DGKG: variants seen among roughly 807,000 people sequenced by gnomAD.
DGKG encodes diacylglycerol kinase gamma, also known as DAG kinase gamma.
DGKG carries 78 observed loss-of-function variants against 105.3 expected under a neutral mutation model. The ratio of observed to expected loss-of-function variants is 0.74; its 90% CI spans 0.62 to 0.89. The LOEUF (loss-of-function observed/expected upper bound fraction) is 0.89, where lower values mean the gene tolerates loss of function less well. Ranked by LOEUF, DGKG falls within the 40% of genes least tolerant of loss-of-function variation. The pLI, the probability that DGKG is intolerant of heterozygous loss-of-function variation, is 0.00. For missense variants in DGKG, 958 were observed against 1,020.1 expected (o/e 0.94, Z 0.83); for synonymous variants, 346 against 367.1 (o/e 0.94, Z 0.66).
rs1448842170 is a variant in DGKG at position 186,321,936 on chromosome 3, T to C, written c.-248-1229A>G. On this transcript the variant is annotated intron_variant, in intron 1 of 24. Coordinates refer to ENST00000265022, the MANE Select transcript of DGKG (RefSeq NM_001346.3). Reference sequence around the variant, plus strand: ...CTCCTTAATCCAGCCAGCTCGACTCTGCTCCTTGGCACATGCTACTGTCAA... The same window carrying C: ...CTCCTTAATCCAGCCAGCTCGACTCCGCTCCTTGGCACATGCTACTGTCAA... 4.6e-5 allele frequency among the ~76,000 whole-genome samples: 7 copies of C among 152,330 alleles called. No individual in the cohort carries two copies. The East Asian group carries it at 1.2e-3, about 25-fold the overall frequency.
chr3:186,241,269 C>G (rs1409894097), intron 20 of DGKG, among the ~76,000 whole-genome samples: 2 of 152,064 alleles, frequency 1.3e-5, no homozygotes, highest in Non-Finnish European at 2.9e-5. Flanking sequence ...ACACTCTAAC[C>G]TCTCTTTTAA....
intron 1 of DGKG, among the ~76,000 whole-genome samples, chr3:186,334,680 A>G (rs1036392417): frequency 3.3e-5 from 5 of 152,228 alleles, no homozygotes; most frequent in African/African-American, 1.2e-4. Context: ...TTGACTCTTC[A>G]TAACAACTCT....
chr3:186,255,775 T>C (rs1721437193), intron 17 of DGKG, among the ~76,000 whole-genome samples: 1 of 152,136 alleles, frequency 6.6e-6, no homozygotes. Context: ...AAGATCGCTA[T>C]GGGTGTAGGG....
intron 21 of DGKG, among the ~76,000 whole-genome samples, chr3:186,209,600 G>A (rs1243245991): frequency 6.6e-6 from 1 of 152,092 alleles, no homozygotes; most frequent in African/African-American, 2.4e-5. Flanking sequence ...GTCGTGTGCT[G>A]GTTCTCAAAG....
chr3:186,214,793 C>T (rs1171559211), intron 20 of DGKG, among the ~76,000 whole-genome samples: 1 of 152,108 alleles, frequency 6.6e-6, no homozygotes, highest in Admixed American at 6.5e-5. Context: ...GTGCCTGGTA[C>T]AACAAAGAAC....
rs1364195670 is a variant in DGKG at position 186,272,341 on chromosome 3, A to T, written c.913T>A (p.Cys305Ser). 6.2e-7 allele frequency: 1 copy of T among 1,612,050 alleles called. No individual in the cohort carries two copies. The highest frequency in any genetic ancestry group is 8.5e-7 in the Non-Finnish European group (1 of 1,178,454). Residue 305 changes from cysteine to serine, a missense_variant and splice_region_variant, in exon 11 of 25, where the codon TGT becomes AGT. Physicochemically the swap from Cys to Ser is moderately radical, Grantham distance 112 (BLOSUM62 -1). Around this residue, in one of 2 missense-constraint regions of DGKG, gnomAD observed 643 missense variants for 619.5 expected, o/e 1.04. Transcript: ENST00000265022. The part of the protein sequence containing the change: ...VRKQGLCCTY[C>S]KYTVHERCVS... ...CAGCGTTCGTGGACAGTGTATTTAC[A>T]GTCTGAAAAGAAAAAAAGTCAAGGC...
chr3:186,348,360 C>T (rs1272746064), intron 1 of DGKG, among the ~76,000 whole-genome samples: 8 of 120,248 alleles, frequency 6.7e-5, no homozygotes, highest in Admixed American at 5.1e-4. Flanking sequence ...GGCCTACTTG[C>T]TGGGTGCTTT....
chr3:186,182,162 G>A (rs1432049776), intron 22 of DGKG, among the ~76,000 whole-genome samples: 4 of 152,202 alleles, frequency 2.6e-5, no homozygotes, highest in Non-Finnish European at 5.9e-5. Flanking sequence ...CCAAACATGT[G>A]TAGGCACAGA....
intron 20 of DGKG, among the ~76,000 whole-genome samples, chr3:186,236,986 G>T (rs1011377384): frequency 6.6e-6 from 1 of 152,332 alleles, no homozygotes; most frequent in East Asian, 1.9e-4. Flanking sequence ...TGGCTTTTAT[G>T]TATAGATTTC....
intron 21 of DGKG, among the ~76,000 whole-genome samples, chr3:186,211,049 A>G (rs1719013994): frequency 6.6e-6 from 1 of 152,146 alleles, no homozygotes. Context: ...CTTATCAACC[A>G]GGGGAGGGGA....
intron 21 of DGKG, among the ~76,000 whole-genome samples, chr3:186,197,465 G>A (rs369372020): frequency 3.3e-5 from 5 of 152,262 alleles, no homozygotes; most frequent in East Asian, 3.9e-4. Flanking sequence ...ACACTGGCAG[G>A]AAATAGGGAA....
intron 20 of DGKG, among the ~76,000 whole-genome samples, chr3:186,223,552 G>A (rs1451022836): frequency 6.6e-6 from 1 of 151,848 alleles, no homozygotes; most frequent in Non-Finnish European, 1.5e-5. Flanking sequence ...CACTCGATAG[G>A]GCAGATGCCT....
At chr3:186,267,987 G>T (rs1226157368) in intron 12 of DGKG, among the ~76,000 whole-genome samples, 1 of 151,984 alleles carries the variant, frequency 6.6e-6, no homozygotes, top group Non-Finnish European at 1.5e-5. Flanking sequence ...GAGCAAAGAG[G>T]CCAAGAGCCG....
At chr3:186,273,845 CCGGTGTCTG>C (rs1237238000) in intron 10 of DGKG, among the ~76,000 whole-genome samples, 1 of 152,224 alleles carries the variant, frequency 6.6e-6, no homozygotes, top group Admixed American at 6.5e-5. Context: ...CAGCAGCTCC[CCGGTGTCTG>C]GTGGGTTCAG....
At chr3:186,260,294 G>A (rs1213845190) in intron 16 of DGKG, 145 bp downstream of exon 16, 4 of 657,122 alleles carry the variant, frequency 6.1e-6, no homozygotes, top group Non-Finnish European at 1.1e-5. Context: ...AGAGTCAGAC[G>A]TGAGAAAAAG....
intron 22 of DGKG, among the ~76,000 whole-genome samples, chr3:186,186,870 C>T (rs993765013): frequency 4.8e-4 from 73 of 152,188 alleles, no homozygotes; most frequent in Non-Finnish European, 8.1e-4. Context: ...GTTTTAAGGA[C>T]ATTCTCAGAA....
chr3:186,250,575 A>G, intron 19 of DGKG, among the ~76,000 whole-genome samples: 1 of 2,740 alleles, frequency 3.6e-4, no homozygotes, highest in African/African-American at 4.6e-4. Flanking sequence ...TTTGAGACAG[A>G]GTCTCGCTCT....
At chr3:186,308,867 C>T (rs567440762) in intron 2 of DGKG, among the ~76,000 whole-genome samples, 4 of 152,150 alleles carry the variant, frequency 2.6e-5, no homozygotes, top group African/African-American at 2.4e-5. Flanking sequence ...TTACTGGAGA[C>T]CTTCACCTGC....
chr3:186,177,608 C>A (rs1076493), intron 22 of DGKG, among the ~76,000 whole-genome samples: 2 of 152,062 alleles, frequency 1.3e-5, no homozygotes, highest in African/African-American at 2.4e-5. Flanking sequence ...TAGTAGATTG[C>A]CAACTACTTG....
Sources: allele counts gnomAD v4.1 joint callset (sites outside exome capture counted in the v4.1 genomes callset), GRCh38; gene constraint gnomAD v4.1.1; regional missense constraint gnomAD v4.1.1; transcripts MANE v1.5; gene names NCBI Gene and HGNC (gene_info 2026-07-23, HGNC 2026-07-21).